Variants in GPC5 observed in about 807,000 individuals in gnomAD.
The protein encoded by GPC5 is glypican-5.
A neutral mutation model predicts 53.9 loss-of-function variants in GPC5; 47 were observed. That is an observed-to-expected ratio of 0.87 (90% CI 0.69 to 1.11). The LOEUF (loss-of-function observed/expected upper bound fraction) is 1.11. Ranked by LOEUF, GPC5 falls within the 50% of genes most tolerant of loss-of-function variation. GPC5 has a pLI of 0.00. For synonymous variants in GPC5, 286 were observed against 263.3 expected (o/e 1.09, Z -0.84); for missense variants, 748 against 713.1 (o/e 1.05, Z -0.56).
chr13:92,662,120 T>G (rs1399742337), intron 7 of GPC5, among the ~76,000 whole-genome samples: 5 of 152,200 alleles, frequency 3.3e-5, no homozygotes, highest in African/African-American at 4.8e-5. Context: ...GAGCTGAACT[T>G]TTAACACTAG....
At chr13:91,885,775 CTTT>C (rs2039315258) in intron 5 of GPC5, among the ~76,000 whole-genome samples, 1 of 152,140 alleles carries the variant, frequency 6.6e-6, no homozygotes, top group Non-Finnish European at 1.5e-5. Flanking sequence ...ATTTGAGCCT[CTTT>C]TGTCATTGTA....
chr13:92,761,352 A>C lies in GPC5; in HGVS notation c.1562-104930A>C, dbSNP rs559201081. ...CTGGCTCCATTAATTTTTGCTTTGT[A>C]TATTTAGGTGCATCAATGTTGGATG... On this transcript the variant is annotated intron_variant, in intron 7 of 7. Transcript: ENST00000377067. 2.6e-5 allele frequency among the ~76,000 whole-genome samples: 4 copies of C among 152,286 alleles called. No homozygotes were observed. The East Asian group carries it at 7.7e-4, about 29-fold the overall frequency.
At chr13:92,669,414 C>T (rs1267545998) in intron 7 of GPC5, among the ~76,000 whole-genome samples, 1 of 152,160 alleles carries the variant, frequency 6.6e-6, no homozygotes, top group Non-Finnish European at 1.5e-5. Flanking sequence ...CACACACATA[C>T]ACTTACTTTC....
At chr13:91,811,023 A>G (rs993943539) in intron 5 of GPC5, among the ~76,000 whole-genome samples, 1 of 151,870 alleles carries the variant, frequency 6.6e-6, no homozygotes, top group Admixed American at 6.6e-5. Flanking sequence ...AAATGAAAGG[A>G]AAATATTGAC....
intron 7 of GPC5, among the ~76,000 whole-genome samples, chr13:92,832,402 C>A (rs1439700116): frequency 6.6e-6 from 1 of 152,070 alleles, no homozygotes; most frequent in Non-Finnish European, 1.5e-5. Context: ...AACTTTCCAA[C>A]CAGATATGTA....
At chr13:92,782,782 T>C (rs976637949) in intron 7 of GPC5, among the ~76,000 whole-genome samples, 1 of 152,180 alleles carries the variant, frequency 6.6e-6, no homozygotes, top group Non-Finnish European at 1.5e-5. Context: ...TAAGACACTA[T>C]GGACTGCATA....
At chr13:92,715,526 G>T (rs549159795) in intron 7 of GPC5, among the ~76,000 whole-genome samples, 43 of 152,248 alleles carry the variant, frequency 2.8e-4, no homozygotes, top group African/African-American at 1.0e-3. Context: ...ATAAAACAGA[G>T]AATTAACAAT....
intron 7 of GPC5, among the ~76,000 whole-genome samples, chr13:92,302,692 T>G (rs577589179): frequency 2.4e-4 from 37 of 152,326 alleles, no homozygotes; most frequent in African/African-American, 8.7e-4. Context: ...TGATAATAAG[T>G]TTGGGCTAAC....
chr13:92,291,053 T>C (rs1260997427), intron 7 of GPC5, among the ~76,000 whole-genome samples: 1 of 152,090 alleles, frequency 6.6e-6, no homozygotes, highest in Non-Finnish European at 1.5e-5. Flanking sequence ...CTGTGCTCAA[T>C]TTCTCGCCGG....
intron 7 of GPC5, among the ~76,000 whole-genome samples, chr13:92,195,232 T>G (rs994358023): frequency 1.3e-5 from 2 of 152,138 alleles, no homozygotes; most frequent in East Asian, 1.9e-4. Flanking sequence ...TGGTGGTGGT[T>G]GTTCTTTTTA....
At chr13:92,134,149 T>C (rs2041766015) in intron 6 of GPC5, among the ~76,000 whole-genome samples, 1 of 152,150 alleles carries the variant, frequency 6.6e-6, no homozygotes, top group Non-Finnish European at 1.5e-5. Context: ...TCATGGCATA[T>C]TTTGGAATTT....
At position 92,430,498 on chromosome 13, in the gene GPC5, TCATGTGTTTACTTGAAACAGA is replaced by T. The variant is rs545183780; in HGVS notation, c.1561+285513_1561+285533del. Among the ~76,000 whole-genome samples, 417 of 152,288 alleles carry T rather than the reference TCATGTGTTTACTTGAAACAGA, an allele frequency of 2.7e-3. 2 individuals are homozygous for T. The highest frequency in any genetic ancestry group is 0.01 in the Middle Eastern group (3 of 294). The stretch of plus-strand genomic sequence containing the variant: ...CAATCTCACCTGCATCTGAATCATT[TCATGTGTTTACTTGAAACAGA>T]CATATCTGAGCCAGGGTGGGAGTGG... On this transcript the variant is annotated intron_variant, in intron 7 of 7. Coordinates refer to ENST00000377067, the MANE Select transcript of GPC5 (RefSeq NM_004466.6).
At chr13:92,574,540 G>C (rs1176199154) in intron 7 of GPC5, among the ~76,000 whole-genome samples, 2 of 151,972 alleles carry the variant, frequency 1.3e-5, no homozygotes, top group Non-Finnish European at 2.9e-5. Flanking sequence ...TCATAGTATT[G>C]GGTTTTCTGC....
intron 2 of GPC5, among the ~76,000 whole-genome samples, chr13:91,582,425 G>GCAA (rs1335392183): frequency 2.0e-5 from 3 of 151,862 alleles, no homozygotes; most frequent in Non-Finnish European, 4.4e-5. Flanking sequence ...AACAACAGCA[G>GCAA]CAACAACAAC....
chr13:92,016,627 T>C (rs2040709536), intron 6 of GPC5, among the ~76,000 whole-genome samples: 1 of 152,214 alleles, frequency 6.6e-6, no homozygotes, highest in Non-Finnish European at 1.5e-5. Flanking sequence ...TGAATCAATA[T>C]AGGCTCTTTG....
At position 91,450,868 on chromosome 13, in the gene GPC5, G is replaced by A. The variant is rs536021080; in HGVS notation, c.325+1946G>A. Among the ~76,000 whole-genome samples the A allele has an allele frequency of 6.6e-5, 10 of 152,174 alleles. No homozygotes were observed. In the South Asian group the frequency reaches 1.7e-3, roughly 25 times the overall value. On this transcript the variant is annotated intron_variant, in intron 2 of 7. Coordinates refer to ENST00000377067, the MANE Select transcript of GPC5 (RefSeq NM_004466.6). Reference sequence around the variant, plus strand: ...CAAATTTAAAAGAAATTTGCCTAAAGGCTAACTTTTCTGGAACCAAATTCA... The same window carrying A: ...CAAATTTAAAAGAAATTTGCCTAAAAGCTAACTTTTCTGGAACCAAATTCA...
intron 2 of GPC5, among the ~76,000 whole-genome samples, chr13:91,638,013 G>A (rs2139464205): frequency 6.6e-6 from 1 of 152,296 alleles, no homozygotes; most frequent in South Asian, 2.1e-4. Context: ...CTCTATAATT[G>A]AATCAACAGG....
At chr13:92,560,352 G>A (rs938269549) in intron 7 of GPC5, among the ~76,000 whole-genome samples, 4 of 151,966 alleles carry the variant, frequency 2.6e-5, no homozygotes, top group African/African-American at 9.7e-5. Flanking sequence ...CAAGGTCTGC[G>A]ACATGATTTC....
At position 91,984,330 on chromosome 13, in the gene GPC5, A is replaced by G. The variant is rs371598217; in HGVS notation, c.1401+76273A>G. On this transcript the variant is annotated intron_variant, in intron 6 of 7. Transcript: ENST00000377067. ...ATCTGGCTCAATAATAAAAGAGCAC[A>G]CCATGGAGATGAACACATCTGATGG... 9.8e-5 allele frequency among the ~76,000 whole-genome samples: 15 copies of G among 152,320 alleles called. No individual in the cohort carries two copies. In the East Asian group the frequency reaches 1.9e-3, roughly 20 times the overall value.
Sources: allele counts gnomAD v4.1 joint callset (sites outside exome capture counted in the v4.1 genomes callset), GRCh38; gene constraint gnomAD v4.1.1; transcripts MANE v1.5; gene names NCBI Gene and HGNC (gene_info 2026-07-23, HGNC 2026-07-21).